FREM1: variants seen among roughly 807,000 people sequenced by gnomAD.
FREM1 encodes the protein FRAS1-related extracellular matrix protein 1.
In FREM1, 220 loss-of-function variants were observed where a neutral mutation model predicts 210.1. That is an observed-to-expected ratio of 1.05 (90% CI 0.94 to 1.17). The LOEUF (loss-of-function observed/expected upper bound fraction) is 1.17. Ranked by LOEUF, FREM1 falls within the 50% of genes most tolerant of loss-of-function variation. FREM1 has a pLI of 0.00. For missense variants in FREM1, 3,454 were observed against 2,675.5 expected, an observed-to-expected ratio of 1.29 and a Z score of -6.42; for synonymous variants, 1,189 against 980.2, an observed-to-expected ratio of 1.21 and a Z score of -3.98.
intron 13 of FREM1, 84 bp from the exon 14 acceptor site, chr9:14,819,526 C>T (rs973691713): frequency 2.8e-6 from 2 of 720,552 alleles, no homozygotes; most frequent in Admixed American, 2.6e-5. Flanking sequence ...TGTAAAACTT[C>T]CAGTATTATC....
chr9:14,880,237 G>A (rs1449346041), intron 1 of FREM1, among the ~76,000 whole-genome samples: 2 of 152,084 alleles, frequency 1.3e-5, no homozygotes, highest in Non-Finnish European at 2.9e-5. Context: ...CGGTATTTCT[G>A]TTATAGCAGC....
chr9:14,905,985 C>A (rs1564212361), intron 1 of FREM1, among the ~76,000 whole-genome samples: 1 of 152,094 alleles, frequency 6.6e-6, no homozygotes, highest in Non-Finnish European at 1.5e-5. Flanking sequence ...GATCTGTTCT[C>A]CCCAGACATT....
At chr9:14,803,095 C>T (rs1243511988) in intron 19 of FREM1, among the ~76,000 whole-genome samples, 1 of 133,820 alleles carries the variant, frequency 7.5e-6, no homozygotes, top group African/African-American at 2.8e-5. Context: ...TTCCTCTCTT[C>T]TTCTCTTTCC....
intron 25 of FREM1, among the ~76,000 whole-genome samples, chr9:14,774,721 G>A (rs1201816506): frequency 6.6e-6 from 1 of 152,114 alleles, no homozygotes; most frequent in Admixed American, 6.5e-5. Flanking sequence ...TATACTTGAT[G>A]TGTTTTGACT....
intron 24 of FREM1, 94 bp from the exon 25 acceptor site, chr9:14,776,297 T>C (rs1848565127): frequency 7.3e-6 from 10 of 1,362,034 alleles, no homozygotes; most frequent in Middle Eastern, 1.9e-4. Flanking sequence ...TACTAAAGGG[T>C]ATTGTCGTGT....
At chr9:14,900,081 C>T (rs1299847065) in intron 1 of FREM1, among the ~76,000 whole-genome samples, 1 of 152,188 alleles carries the variant, frequency 6.6e-6, no homozygotes, top group Non-Finnish European at 1.5e-5. Flanking sequence ...CAGACCTACT[C>T]CTCTGTCCTA....
intron 36 of FREM1, 31 bp from the exon 37 acceptor site, chr9:14,737,626 C>T: frequency 2.1e-6 from 3 of 1,444,352 alleles, no homozygotes; most frequent in Non-Finnish European, 2.8e-6. Context: ...GTACCAATTA[C>T]TTTTATTGCG....
chr9:14,870,481 T>C (rs75136442), intron 1 of FREM1, among the ~76,000 whole-genome samples: 2,528 of 152,164 alleles, frequency 0.017, 80 homozygotes, highest in East Asian at 0.13. Context: ...TTTGTTGCTG[T>C]TGTCTTTGTT....
At chr9:14,909,517 T>A (rs538707140) in intron 1 of FREM1, among the ~76,000 whole-genome samples, 61 of 152,354 alleles carry the variant, frequency 4.0e-4, no homozygotes, top group African/African-American at 1.4e-3. Flanking sequence ...TTTCTCTATG[T>A]TTGTACCATG....
chr9:14,817,112 C>T (rs998981164), intron 14 of FREM1, among the ~76,000 whole-genome samples: 2 of 152,162 alleles, frequency 1.3e-5, no homozygotes, highest in Non-Finnish European at 2.9e-5. Flanking sequence ...AATTTGTCCT[C>T]AAATTAAAAA....
chr9:14,894,318 A>G (rs1259871196), intron 1 of FREM1, among the ~76,000 whole-genome samples: 1 of 152,234 alleles, frequency 6.6e-6, no homozygotes, highest in Non-Finnish European at 1.5e-5. Flanking sequence ...CACAGAAGTA[A>G]ACAAAATTTC....
intron 27 of FREM1, among the ~76,000 whole-genome samples, chr9:14,762,656 C>T (rs758719755): frequency 4.6e-5 from 7 of 151,116 alleles, no homozygotes; most frequent in South Asian, 2.1e-4. Context: ...ATTGAAAAGC[C>T]GTGAAATTTA....
In FREM1 at chr9:14,747,444, A is replaced by G; in HGVS notation, c.5845-16T>C. On this transcript the variant is annotated splice_polypyrimidine_tract_variant and intron_variant, in intron 32 of 36. Coordinates refer to ENST00000380880, the MANE Select transcript of FREM1 (RefSeq NM_001379081.2). ...TCCCATGATACTTGAGGAAACCAACAATCAACAACAATAAGGAAAAAACAA... is the reference window on the plus strand; with the variant it reads ...TCCCATGATACTTGAGGAAACCAACGATCAACAACAATAAGGAAAAAACAA... The G allele has an allele frequency of 1.9e-6, 3 of 1,607,266 alleles. No individual in the cohort carries two copies. Among genetic ancestry groups the G allele is most frequent in the Non-Finnish European group, 2.5e-6 (3 of 1,177,068 alleles).
intron 10 of FREM1, among the ~76,000 whole-genome samples, chr9:14,832,640 CTT>C (rs2130999198): frequency 6.6e-6 from 1 of 152,160 alleles, no homozygotes; most frequent in East Asian, 1.9e-4. Flanking sequence ...TTTTCCAAAC[CTT>C]AAAATGCTTG....
At position 14,773,991 on chromosome 9, in the gene FREM1, G is replaced by A. The variant is rs558237200; in HGVS notation, c.4857+1798C>T. 3 of 465,772 alleles carry A rather than the reference G, an allele frequency of 6.4e-6. No homozygotes were observed. In the East Asian group the frequency reaches 1.9e-4, roughly 29 times the overall value. 28.9% of individuals were successfully genotyped at this position (465,772 alleles called of 1,614,324 possible). A position where few individuals can be genotyped will look rare whatever the true frequency, so the allele number is the denominator to read the frequency against. ...AAAAAAGACACTAACAGACTGAAAAGGGAAAGTGACTAAGATCAATTAAAA... is the reference window on the plus strand; with the variant it reads ...AAAAAAGACACTAACAGACTGAAAAAGGAAAGTGACTAAGATCAATTAAAA... On this transcript the variant is annotated intron_variant, in intron 25 of 36. Transcript: ENST00000380880.
intron 24 of FREM1, chr9:14,782,483 G>T: frequency 4.1e-6 from 1 of 245,818 alleles, no homozygotes; most frequent in Non-Finnish European, 6.5e-6. Context: ...GGGCATTGAC[G>T]GAGGGAAGCA....
chr9:14,786,833 A>C (rs1177948024), intron 23 of FREM1, among the ~76,000 whole-genome samples: 1 of 152,244 alleles, frequency 6.6e-6, no homozygotes, highest in Non-Finnish European at 1.5e-5. Flanking sequence ...GATGCTACAG[A>C]CAGAAGCAAG....
intron 15 of FREM1, among the ~76,000 whole-genome samples, chr9:14,814,653 G>C (rs544754720): frequency 1.3e-5 from 2 of 152,242 alleles, no homozygotes; most frequent in African/African-American, 4.8e-5. Context: ...ACCTTCTCCA[G>C]TATTGTTCTT....
intron 10 of FREM1, among the ~76,000 whole-genome samples, chr9:14,827,371 A>G (rs1420284231): frequency 6.6e-6 from 1 of 152,236 alleles, no homozygotes; most frequent in Non-Finnish European, 1.5e-5. Context: ...CTAACACGTT[A>G]TGTAAGGCAG....
Sources: allele counts gnomAD v4.1 joint callset (sites outside exome capture counted in the v4.1 genomes callset), GRCh38; gene constraint gnomAD v4.1.1; transcripts MANE v1.5; gene names NCBI Gene and HGNC (gene_info 2026-07-23, HGNC 2026-07-21).